Variants in TEX11 observed in about 807,000 individuals in gnomAD.
The protein encoded by TEX11 is testis-expressed protein 11.
In TEX11, 7 loss-of-function variants were observed where a neutral mutation model predicts 84.4. The observed-to-expected ratio is 0.08, with a 90% confidence interval of 0.05 to 0.16. The LOEUF (loss-of-function observed/expected upper bound fraction) is 0.16, where lower values mean the gene tolerates loss of function less well. TEX11 is among the 10% of genes least tolerant of loss of function. The pLI, the probability that TEX11 is intolerant of heterozygous loss-of-function variation, is 1.00. For missense variants in TEX11, 551 were observed against 660.5 expected (o/e 0.83, Z 1.82); for synonymous variants, 264 against 222.8 (o/e 1.18, Z -1.64).
At chrX:70,885,855 C>T (rs1254742076) in intron 2 of TEX11, among the ~76,000 whole-genome samples, 1 of 95,873 alleles carries the variant, frequency 1.0e-5, no homozygotes, top group Non-Finnish European at 2.0e-5. Flanking sequence ...CGAGCCACTA[C>T]ACTCCATCCT....
intron 27 of TEX11, 22 bp from the exon 28 acceptor site, chrX:70,552,268 C>T: frequency 1.7e-6 from 2 of 1,200,255 alleles, no homozygotes; most frequent in Non-Finnish European, 1.1e-6. Flanking sequence ...AAAGAGAAAA[C>T]TCATCCCATA....
chrX:70,812,576 T>C, intron 8 of TEX11, among the ~76,000 whole-genome samples: 1 of 110,662 alleles, frequency 9.0e-6, no homozygotes, highest in East Asian at 2.8e-4. Context: ...GGCTGGCCAG[T>C]TTTCCCAGCA....
intron 25 of TEX11, among the ~76,000 whole-genome samples, chrX:70,573,954 C>G (rs1033162250): frequency 7.2e-5 from 8 of 111,394 alleles, no homozygotes; most frequent in African/African-American, 2.6e-4. Context: ...TTGTCATAAC[C>G]ACTAATACTT....
rs992076310 is a variant in TEX11, at chrX:70,815,523, A to T, written c.607-8733T>A. Among the ~76,000 whole-genome samples the T allele has an allele frequency of 5.4e-5, 6 of 111,557 alleles. No homozygotes were observed. In the Admixed American group the frequency reaches 5.8e-4, roughly 11 times the overall value. On this transcript the variant is annotated intron_variant, in intron 8 of 29. Coordinates refer to ENST00000374333, the MANE Select transcript of TEX11 (RefSeq NM_031276.3). ...AAGAGAGAGAGATCACATTCACATAAATTTTATTATAGGATATTGTTATAA... is the reference window on the plus strand; with the variant it reads ...AAGAGAGAGAGATCACATTCACATATATTTTATTATAGGATATTGTTATAA...
chrX:70,839,596 A>G (rs1447193668), intron 7 of TEX11, among the ~76,000 whole-genome samples: 2 of 112,163 alleles, frequency 1.8e-5, no homozygotes, highest in Non-Finnish European at 3.8e-5. Flanking sequence ...TCCTCCTCCA[A>G]AGGAATGCAG....
At chrX:70,901,741 G>A (rs763509381) in intron 2 of TEX11, among the ~76,000 whole-genome samples, 3 of 111,508 alleles carry the variant, frequency 2.7e-5, no homozygotes, top group South Asian at 3.8e-4. Flanking sequence ...GTAATGGTCC[G>A]TGGCCCAGGG....
chrX:70,561,735 C>A (rs1464094423), intron 25 of TEX11, among the ~76,000 whole-genome samples: 4 of 111,170 alleles, frequency 3.6e-5, no homozygotes, highest in Non-Finnish European at 5.7e-5. Context: ...ATAAAGAAAA[C>A]CATATTATAT....
At chrX:70,871,888 CT>C (rs199679004) in intron 4 of TEX11, among the ~76,000 whole-genome samples, 87 of 105,830 alleles carry the variant, frequency 8.2e-4, no homozygotes, top group African/African-American at 2.7e-3. Context: ...AGCACCCCCC[CT>C]TTTTTTTAAC....
intron 9 of TEX11, among the ~76,000 whole-genome samples, chrX:70,794,677 T>C (rs2091145695): frequency 9.1e-6 from 1 of 109,637 alleles, no homozygotes; most frequent in Non-Finnish European, 1.9e-5. Flanking sequence ...AGACACCCAT[T>C]CCAAGCCCTA....
chrX:70,877,805 T>A (rs2091663222), intron 3 of TEX11, among the ~76,000 whole-genome samples: 1 of 111,657 alleles, frequency 9.0e-6, no homozygotes, highest in South Asian at 3.7e-4. Flanking sequence ...TGATTCCACT[T>A]ACATGAGGTA....
rs142385015 is a variant in TEX11 at position 70,776,688 on chromosome X, A to C, written c.692+30017T>G. On this transcript the variant is annotated intron_variant, in intron 9 of 29. Transcript: ENST00000374333. ...ACAAATATCATATGTTCTCACTCAGAAGTGGGAGCTAAAAATGTGGATCTC... is the reference window on the plus strand; with the variant it reads ...ACAAATATCATATGTTCTCACTCAGCAGTGGGAGCTAAAAATGTGGATCTC... Among the ~76,000 whole-genome samples the C allele has an allele frequency of 5.8e-3, 652 of 111,556 alleles. 6 individuals carry two copies. The highest frequency in any genetic ancestry group is 9.5e-3 in the Non-Finnish European group (506 of 53,083).
intron 11 of TEX11, among the ~76,000 whole-genome samples, chrX:70,726,902 C>T (rs908584475): frequency 3.8e-4 from 41 of 108,962 alleles, no homozygotes; most frequent in Admixed American, 2.1e-3. Flanking sequence ...GGTACAAACA[C>T]GGCTCACTGC....
At chrX:70,512,344 G>A in the TEX11 span, among the ~76,000 whole-genome samples, 2 of 107,547 alleles carry the variant, frequency 1.9e-5, no homozygotes, top group Non-Finnish European at 1.9e-5. Flanking sequence ...TCAGCCTCCC[G>A]AATAGCTGGG....
chrX:70,625,470 C>G (rs1208005815), intron 18 of TEX11, among the ~76,000 whole-genome samples: 3 of 111,639 alleles, frequency 2.7e-5, no homozygotes, highest in African/African-American at 9.8e-5. Flanking sequence ...GATGCTGCTT[C>G]CACTGAAGCC....
chrX:70,906,567 C>T (rs1278448572), intron 2 of TEX11, among the ~76,000 whole-genome samples: 1 of 111,116 alleles, frequency 9.0e-6, no homozygotes, highest in African/African-American at 3.3e-5. Flanking sequence ...GCAGGTGTAT[C>T]AACTGAAGTC....
In TEX11 at chrX:70,810,904, G is replaced by C. The variant is rs1029227842; in HGVS notation, c.607-4114C>G. 1.1e-4 allele frequency among the ~76,000 whole-genome samples: 12 copies of C among 111,496 alleles called. 1 individual carries two copies. Among genetic ancestry groups the C allele is most frequent in the Admixed American group, 1.0e-3 (11 of 10,512 alleles). On this transcript the variant is annotated intron_variant, in intron 8 of 29. Transcript: ENST00000374333. ...AAATGTTCTAATGGCTACATAAAGA[G>C]CCTCAAAACATGGACAAATCTAACC...
In TEX11 at chrX:70,871,159, C is replaced by T. The variant is rs140366320; in HGVS notation, c.244+2064G>A. ...AACTCCTGATCTCAGGTGATCCACT[C>T]ACCTAGGCCTCCCAAAGTGCTGGGA... is the stretch of plus-strand genomic sequence containing the variant. On this transcript the variant is annotated intron_variant, in intron 4 of 29. Coordinates refer to ENST00000374333, the MANE Select transcript of TEX11 (RefSeq NM_031276.3). Among the ~76,000 whole-genome samples, 115 of 112,072 alleles carry T rather than the reference C, an allele frequency of 1.0e-3. 2 individuals carry two copies. The East Asian group carries it at 0.023, about 22-fold the overall frequency.
chrX:70,729,388 G>A (rs1198658061), intron 11 of TEX11, among the ~76,000 whole-genome samples: 4 of 111,230 alleles, frequency 3.6e-5, no homozygotes, highest in Admixed American at 1.9e-4. Context: ...TCGAACCCAC[G>A]GCAAAGAAGT....
chrX:70,852,837 C>G (rs975060741), intron 7 of TEX11, among the ~76,000 whole-genome samples, 197 bp downstream of exon 7: 8 of 111,639 alleles, frequency 7.2e-5, no homozygotes, highest in Non-Finnish European at 1.1e-4. Flanking sequence ...TCAGTCTTCT[C>G]ACCCTTAGCC....
Sources: gnomAD v4.1 joint callset for allele counts (sites outside exome capture counted in the v4.1 genomes callset) on GRCh38, gnomAD v4.1.1 for gene constraint, MANE v1.5 for transcripts, NCBI Gene and HGNC (gene_info 2026-07-23, HGNC 2026-07-21) for gene names.